ZNF138: variants seen among roughly 807,000 people sequenced by gnomAD.
The protein encoded by ZNF138 is zinc finger protein 138 (clone pHZ-32).
ZNF138 carries 33 observed loss-of-function variants against 33.0 expected under a neutral mutation model. The observed-to-expected ratio is 1.00, with a 90% CI of 0.76 to 1.34. The LOEUF (loss-of-function observed/expected upper bound fraction) is 1.34, where lower values mean the gene tolerates loss of function less well. Ranked by LOEUF, ZNF138 falls within the 40% of genes most tolerant of loss-of-function variation. The probability of loss-of-function intolerance (pLI) is 0.00; values close to 1 mark genes in which losing one functional copy is unlikely to be tolerated. For missense variants in ZNF138, 360 were observed against 370.8 expected (o/e 0.97, Z 0.24); for synonymous variants, 139 against 120.4 (o/e 1.15, Z -1.01).
the ZNF138 span, among the ~76,000 whole-genome samples, chr7:64,859,605 A>G: frequency 2.0e-5 from 3 of 152,190 alleles, no homozygotes; most frequent in Admixed American, 6.5e-5. Flanking sequence ...GTGAATCCCA[A>G]CTTTTACCCT....
the ZNF138 span, among the ~76,000 whole-genome samples, chr7:64,855,103 G>A: frequency 6.6e-6 from 1 of 152,130 alleles, no homozygotes; most frequent in Admixed American, 6.6e-5. Context: ...CCTTATAGGT[G>A]CGTGTGGACA....
chr7:64,808,839 G>A lies in ZNF138; in HGVS notation c.4-6079G>A, dbSNP rs557376206. Among the ~76,000 whole-genome samples the A allele has an allele frequency of 1.6e-4, 21 of 134,138 alleles. 1 individual carries two copies. Among genetic ancestry groups the A allele is most frequent in the East Asian group, 4.1e-4 (2 of 4,858 alleles). 88.0% of individuals were successfully genotyped at this position (134,138 alleles called of 152,430 possible). Reference sequence around the variant, plus strand: ...TGTTTAACAAAGCACATCTTGCACCGCCCTTAATCCATTTAACCCTGAGTG... The same window carrying A: ...TGTTTAACAAAGCACATCTTGCACCACCCTTAATCCATTTAACCCTGAGTG... On this transcript the variant is annotated intron_variant, in intron 1 of 3. Transcript: ENST00000307355.
At chr7:64,804,184 G>A (rs9647840) in intron 1 of ZNF138, among the ~76,000 whole-genome samples, 82,896 of 152,082 alleles carry the variant, frequency 0.55, 22,831 homozygotes, top group South Asian at 0.66. Flanking sequence ...ACAGCCCGGC[G>A]CCACACCGTG....
intron 3 of ZNF138, among the ~76,000 whole-genome samples, chr7:64,829,240 C>T (rs1789889236): frequency 6.6e-6 from 1 of 151,612 alleles, no homozygotes; most frequent in South Asian, 2.1e-4. Flanking sequence ...CCTTTAAGCC[C>T]TCTCTTTCCT....
chr7:64,819,027 A>G (rs13227838), intron 3 of ZNF138, among the ~76,000 whole-genome samples: 142,905 of 152,282 alleles, frequency 0.94, 67,093 homozygotes, highest in South Asian at 0.98. Context: ...GTTGCTTAAT[A>G]TTAGTTTATT....
At chr7:64,847,140 T>C in the ZNF138 span, among the ~76,000 whole-genome samples, 1 of 151,870 alleles carries the variant, frequency 6.6e-6, no homozygotes, top group Non-Finnish European at 1.5e-5. Flanking sequence ...TTTTTTAATA[T>C]GTTGTTTGAT....
rs1790230400 is a variant in ZNF138 at position 64,833,191 on chromosome 7, T to G, written c.*989T>G. On this transcript the variant is annotated 3_prime_UTR_variant, in exon 4 of 4. Transcript: ENST00000307355. ...AATGTGAAAAATTTGGTAAATTCTT[T>G]AACAAGTCTTCAACCCTTTCTGCAC... The G allele has an allele frequency of 4.1e-6, 1 of 245,920 alleles. No individual in the cohort carries two copies. Among genetic ancestry groups the G allele is most frequent in the African/African-American group, 2.2e-5 (1 of 44,526 alleles). 15.2% of individuals were successfully genotyped at this position (245,920 alleles called of 1,614,324 possible).
At chr7:64,805,414 A>AACC (rs371227558) in intron 1 of ZNF138, among the ~76,000 whole-genome samples, 1 of 135,192 alleles carries the variant, frequency 7.4e-6, no homozygotes, top group Non-Finnish European at 1.6e-5. Context: ...AACAAAACAA[A>AACC]AAAAAAAACT....
downstream of ZNF138, chr7:64,836,885 G>A (rs1007701956): frequency 6.6e-6 from 1 of 151,902 alleles, no homozygotes; most frequent in African/African-American, 2.4e-5. Context: ...TGCCTGTGTG[G>A]AACTCCAATT....
chr7:64,798,948 A>G (rs1020256944), intron 1 of ZNF138, among the ~76,000 whole-genome samples: 1 of 145,736 alleles, frequency 6.9e-6, no homozygotes, highest in Non-Finnish European at 1.5e-5. Context: ...TGCTTTGGTT[A>G]CAGCCTTATA....
At chr7:64,805,411 C>CAACAAA (rs1554364158) in intron 1 of ZNF138, among the ~76,000 whole-genome samples, 12 of 126,998 alleles carry the variant, frequency 9.4e-5, no homozygotes, top group African/African-American at 3.1e-4. Flanking sequence ...AAAAACAAAA[C>CAACAAA]AAAAAAAAAA....
chr7:64,820,511 G>C (rs772692992), intron 3 of ZNF138, among the ~76,000 whole-genome samples: 29 of 151,646 alleles, frequency 1.9e-4, no homozygotes, highest in Non-Finnish European at 4.1e-4. Flanking sequence ...ATGTTTTTCA[G>C]GTCCTGGGTT....
At chr7:64,809,166 C>T (rs1158608949) in intron 1 of ZNF138, among the ~76,000 whole-genome samples, 1 of 121,298 alleles carries the variant, frequency 8.2e-6, no homozygotes, top group Non-Finnish European at 1.8e-5. Flanking sequence ...GGCGGCCGGG[C>T]AGAGGCGCCC....
the ZNF138 span, among the ~76,000 whole-genome samples, chr7:64,854,604 AC>A: frequency 6.6e-6 from 1 of 152,334 alleles, no homozygotes; most frequent in Non-Finnish European, 1.5e-5. Flanking sequence ...GATTAACATG[AC>A]AAAAGTAACA....
rs184433571 is a variant in ZNF138, at chr7:64,818,882, A to G, written c.208+3229A>G. On this transcript the variant is annotated intron_variant, in intron 3 of 3. Transcript: ENST00000307355. ...TTCAAAATACCTGCCTTCCATGAGTACACAGTCAAATATTGCAGTTATCTG... is the reference window on the plus strand; with the variant it reads ...TTCAAAATACCTGCCTTCCATGAGTGCACAGTCAAATATTGCAGTTATCTG... Among the ~76,000 whole-genome samples the G allele has an allele frequency of 3.9e-5, 6 of 152,330 alleles. No individual in the cohort carries two copies. In the East Asian group the frequency reaches 1.2e-3, roughly 29 times the overall value.
chr7:64,805,693 CATAGCCATAAAGTAA>C, intron 1 of ZNF138, among the ~76,000 whole-genome samples: 1 of 152,210 alleles, frequency 6.6e-6, no homozygotes, highest in East Asian at 1.9e-4. Context: ...CAGGGCGTAG[CATAGCCATAAAGTAA>C]ATAGCCATAA....
At chr7:64,823,960 A>G (rs904165419) in intron 3 of ZNF138, among the ~76,000 whole-genome samples, 1 of 152,204 alleles carries the variant, frequency 6.6e-6, no homozygotes, top group Non-Finnish European at 1.5e-5. Flanking sequence ...AAATAAATTT[A>G]ATACGGCTTG....
chr7:64,832,114 C>T lies in ZNF138; in HGVS notation c.872C>T (p.Ser291Phe). ...CEQCGKVFKQ[S>F]PTLTKHQIIY... ...CAATGTGGCAAGGTCTTTAAGCAGT[C>T]CCCAACCCTTACTAAACATCAGATA... Residue 291 changes from serine (S) to phenylalanine (F), a missense_variant, in exon 4 of 4, where the codon TCC (serine) becomes TTC (phenylalanine). Physicochemically the swap from Ser to Phe is radical, Grantham distance 155 (BLOSUM62 -2). Transcript: ENST00000307355. 6.2e-7 allele frequency: 1 copy of T among 1,613,186 alleles called. No individual in the cohort carries two copies. The highest frequency in any genetic ancestry group is 8.5e-7 in the Non-Finnish European group (1 of 1,179,818).
At chr7:64,843,822 A>ATTT in the ZNF138 span, among the ~76,000 whole-genome samples, 1 of 117,816 alleles carries the variant, frequency 8.5e-6, no homozygotes, top group Non-Finnish European at 1.9e-5. Context: ...AGGTTAGTTT[A>ATTT]TTTTTTTTAT....
Sources: gnomAD v4.1 joint callset for allele counts (sites outside exome capture counted in the v4.1 genomes callset) on GRCh38, gnomAD v4.1.1 for gene constraint, MANE v1.5 for transcripts, NCBI Gene and HGNC (gene_info 2026-07-23, HGNC 2026-07-21) for gene names.